LHFPL3: variants seen among roughly 807,000 people sequenced by gnomAD.
LHFPL3 encodes the protein LHFPL tetraspan subfamily member 3.
A neutral mutation model predicts 19.3 loss-of-function variants in LHFPL3; 5 were observed. That is an observed-to-expected ratio of 0.26 (90% CI 0.14 to 0.54). LHFPL3 has a LOEUF of 0.54. Ranked by LOEUF, LHFPL3 falls within the 20% of genes least tolerant of loss-of-function variation. The pLI is 0.94. For missense variants in LHFPL3, 249 were observed against 307.4 expected, an observed-to-expected ratio of 0.81 and a Z score of 1.42; for synonymous variants, 133 against 126.2, an observed-to-expected ratio of 1.05 and a Z score of -0.36.
intron 1 of LHFPL3, among the ~76,000 whole-genome samples, chr7:104,388,389 G>C (rs766603768): frequency 6.6e-6 from 1 of 151,796 alleles, no homozygotes; most frequent in Non-Finnish European, 1.5e-5. Context: ...TCATGTAAAA[G>C]GGATCCTCAA....
At chr7:104,769,699 A>G (rs1281399356) in intron 2 of LHFPL3, among the ~76,000 whole-genome samples, 1 of 151,588 alleles carries the variant, frequency 6.6e-6, no homozygotes. Flanking sequence ...TATGAGTGAG[A>G]ACATGCGGTG....
intron 2 of LHFPL3, chr7:104,845,451 T>G: frequency 6.5e-7 from 1 of 1,535,650 alleles, no homozygotes; most frequent in Non-Finnish European, 8.7e-7. Flanking sequence ...CATGGCTTTG[T>G]GGGTTCAGCT....
intron 2 of LHFPL3, among the ~76,000 whole-genome samples, chr7:104,881,946 T>C (rs145020897): frequency 0.012 from 1,899 of 152,314 alleles, 26 homozygotes; most frequent in South Asian, 0.034. Flanking sequence ...AAATTAAGTA[T>C]GTATATTTTT....
chr7:104,498,151 G>A (rs1172947698), intron 1 of LHFPL3, among the ~76,000 whole-genome samples: 1 of 152,146 alleles, frequency 6.6e-6, no homozygotes, highest in South Asian at 2.1e-4. Context: ...GTACCACAGG[G>A]CTATTGTGAG....
intron 1 of LHFPL3, among the ~76,000 whole-genome samples, chr7:104,561,971 G>A (rs1303875958): frequency 1.3e-5 from 2 of 152,020 alleles, no homozygotes; most frequent in African/African-American, 4.8e-5. Flanking sequence ...TGAAATTCTG[G>A]GTTGAAAATT....
At chr7:104,357,789 CCTT>C (rs1418233769) in intron 1 of LHFPL3, among the ~76,000 whole-genome samples, 6 of 151,262 alleles carry the variant, frequency 4.0e-5, no homozygotes, top group African/African-American at 1.2e-4. Context: ...TCCTGCTCCT[CCTT>C]CTCCTCCAGC....
chr7:104,779,527 G>C (rs1255233827), intron 2 of LHFPL3, among the ~76,000 whole-genome samples: 2 of 152,052 alleles, frequency 1.3e-5, no homozygotes, highest in Non-Finnish European at 2.9e-5. Flanking sequence ...GAGTGGTCAA[G>C]TCTGTGGCTG....
At chr7:104,669,604 G>T in intron 1 of LHFPL3, 2 of 1,603,286 alleles carry the variant, frequency 1.2e-6, no homozygotes, top group South Asian at 2.2e-5. Flanking sequence ...TTTTCTCCTA[G>T]TTTCTCTCCA....
intron 1 of LHFPL3, among the ~76,000 whole-genome samples, chr7:104,364,505 T>TAG (rs1357763296): frequency 1.2e-4 from 18 of 152,330 alleles, no homozygotes; most frequent in Non-Finnish European, 1.5e-5. Flanking sequence ...GCCCTGTACA[T>TAG]AAGTCCAAAG....
At position 104,690,180 on chromosome 7, in the gene LHFPL3, T is replaced by C. The variant is rs548473931; in HGVS notation, c.446-46495T>C. Among the ~76,000 whole-genome samples, 11 of 152,362 alleles carry C rather than the reference T, an allele frequency of 7.2e-5. No homozygotes were observed. The South Asian group carries it at 2.3e-3, about 32-fold the overall frequency. The stretch of plus-strand genomic sequence containing the variant: ...ATGGATCTTGGAGAACGACAGTGGG[T>C]TATTGTAAGCTTACCCAAGTGGTGG... On this transcript the variant is annotated intron_variant, in intron 1 of 2. Transcript: ENST00000424859.
chr7:104,566,390 C>G (rs1790125883), intron 1 of LHFPL3, among the ~76,000 whole-genome samples: 1 of 152,090 alleles, frequency 6.6e-6, no homozygotes, highest in Admixed American at 6.6e-5. Flanking sequence ...ACATCTCACC[C>G]TCAGCATCCA....
intron 1 of LHFPL3, among the ~76,000 whole-genome samples, chr7:104,693,562 G>A (rs1792944210): frequency 6.6e-6 from 1 of 152,080 alleles, no homozygotes; most frequent in South Asian, 2.1e-4. Context: ...GTTTTATGAA[G>A]GGCTTCCACC....
chr7:104,442,688 G>A (rs1358255019), intron 1 of LHFPL3, among the ~76,000 whole-genome samples: 1 of 152,158 alleles, frequency 6.6e-6, no homozygotes, highest in Non-Finnish European at 1.5e-5. Context: ...GCAATGTTTA[G>A]TTAGATTATT....
chr7:104,443,676 C>T (rs58876754), intron 1 of LHFPL3, among the ~76,000 whole-genome samples: 10,004 of 152,216 alleles, frequency 0.066, 983 homozygotes, highest in African/African-American at 0.21. Flanking sequence ...GGTAAGTGGT[C>T]GAAATGAGGA....
Position 104,359,674 on chromosome 7 carries a change from A to C in LHFPL3, c.445+30450A>C, listed in dbSNP as rs1463135039. Among the ~76,000 whole-genome samples, 4 of 152,180 alleles carry C rather than the reference A, an allele frequency of 2.6e-5. No homozygotes were observed. The East Asian group carries it at 7.7e-4, about 29-fold the overall frequency. ...ATTCTGTGTCCACAGTCTAGCGGGG[A>C]GGAAATGGCACCAACACCCAGATAA... is the stretch of plus-strand genomic sequence containing the variant. On this transcript the variant is annotated intron_variant, in intron 1 of 2. Coordinates refer to ENST00000424859, the MANE Select transcript of LHFPL3 (RefSeq NM_199000.3).
chr7:104,830,095 T>C (rs1476209294), intron 2 of LHFPL3, among the ~76,000 whole-genome samples: 1 of 152,002 alleles, frequency 6.6e-6, no homozygotes, highest in Non-Finnish European at 1.5e-5. Flanking sequence ...TGATGAGCAT[T>C]TTTTCATGTG....
chr7:104,774,298 C>T (rs149639721), intron 2 of LHFPL3, among the ~76,000 whole-genome samples: 163 of 152,348 alleles, frequency 1.1e-3, no homozygotes, highest in African/African-American at 3.8e-3. Context: ...CTAACACTCG[C>T]TCTGTTCCAG....
chr7:104,804,459 C>T (rs1258897958), intron 2 of LHFPL3, among the ~76,000 whole-genome samples: 1 of 152,196 alleles, frequency 6.6e-6, no homozygotes, highest in Non-Finnish European at 1.5e-5. Flanking sequence ...TGGTGTTCTG[C>T]CCTTTTGTAA....
chr7:104,447,880 A>G (rs1792360591), intron 1 of LHFPL3, among the ~76,000 whole-genome samples: 1 of 152,120 alleles, frequency 6.6e-6, no homozygotes. Flanking sequence ...CTGAAAGCAA[A>G]TGTTCAGGAC....
Sources: gnomAD v4.1 joint callset for allele counts (sites outside exome capture counted in the v4.1 genomes callset) on GRCh38, gnomAD v4.1.1 for gene constraint, MANE v1.5 for transcripts, NCBI Gene and HGNC (gene_info 2026-07-23, HGNC 2026-07-21) for gene names.